CFAP299: variants seen among roughly 807,000 people sequenced by gnomAD.
CFAP299 encodes cilia- and flagella-associated protein 299.
Under a neutral mutation model 27.0 loss-of-function variants are expected in CFAP299, and 21 were observed. That is an observed-to-expected ratio of 0.78 (90% CI 0.55 to 1.12). CFAP299 has a LOEUF of 1.12. CFAP299 is among the 50% of genes most tolerant of loss of function. The probability of loss-of-function intolerance (pLI) is 0.00; values close to 1 mark genes in which losing one functional copy is unlikely to be tolerated. For missense variants in CFAP299, 310 were observed against 276.6 expected (o/e 1.12, Z -0.86); for synonymous variants, 104 against 98.1 (o/e 1.06, Z -0.36).
At chr4:80,848,573 A>G (rs1217228092) in intron 3 of CFAP299, among the ~76,000 whole-genome samples, 3 of 152,032 alleles carry the variant, frequency 2.0e-5, no homozygotes, top group African/African-American at 7.2e-5. Context: ...GTTTGATACT[A>G]GCTTGGGTAA....
intron 3 of CFAP299, among the ~76,000 whole-genome samples, chr4:80,591,104 A>ATTTTTTTTTTTTTTTTTTTT (rs1339201630): frequency 5.2e-5 from 6 of 116,496 alleles, no homozygotes; most frequent in Non-Finnish European, 1.0e-4. Flanking sequence ...TACTTTAGGA[A>ATTTTTTTTTTTTTTTTTTTT]ATTTTTTTTT....
chr4:80,622,021 T>A (rs941102519), intron 3 of CFAP299, among the ~76,000 whole-genome samples: 2 of 152,086 alleles, frequency 1.3e-5, no homozygotes, highest in African/African-American at 2.4e-5. Context: ...GGCACTTAAG[T>A]GTCAGTTAAA....
intron 2 of CFAP299, chr4:80,387,344 TAC>T: frequency 6.7e-7 from 1 of 1,498,284 alleles, no homozygotes. Flanking sequence ...CACACATTTG[TAC>T]ACCTGCTCGT....
intron 2 of CFAP299, among the ~76,000 whole-genome samples, chr4:80,503,526 C>T (rs1170955208): frequency 3.3e-5 from 5 of 152,048 alleles, no homozygotes; most frequent in South Asian, 4.1e-4. Flanking sequence ...ATAATGGCTG[C>T]GGGCACAGAT....
intron 3 of CFAP299, among the ~76,000 whole-genome samples, chr4:80,826,338 A>G (rs966143492): frequency 2.0e-5 from 3 of 151,768 alleles, no homozygotes; most frequent in African/African-American, 7.2e-5. Context: ...ATAGACAACA[A>G]TTATCAAAAG....
chr4:80,922,712 C>A (rs1303966824), intron 4 of CFAP299, among the ~76,000 whole-genome samples: 1 of 151,534 alleles, frequency 6.6e-6, no homozygotes, highest in Non-Finnish European at 1.5e-5. Context: ...GTAATGCATA[C>A]TCATTGTGGA....
At chr4:80,943,270 G>GC (rs984970313) in intron 4 of CFAP299, among the ~76,000 whole-genome samples, 9 of 151,746 alleles carry the variant, frequency 5.9e-5, no homozygotes, top group Non-Finnish European at 8.8e-5. Context: ...TCACTGATAC[G>GC]CCCCCCTCCC....
At chr4:80,857,578 C>T (rs1404665888) in intron 3 of CFAP299, among the ~76,000 whole-genome samples, 2 of 152,128 alleles carry the variant, frequency 1.3e-5, no homozygotes, top group Non-Finnish European at 2.9e-5. Context: ...GAGATACATC[C>T]CATCAATACC....
chr4:80,492,288 A>G (rs1356042577), intron 2 of CFAP299, among the ~76,000 whole-genome samples: 2 of 152,176 alleles, frequency 1.3e-5, no homozygotes, highest in Non-Finnish European at 2.9e-5. Flanking sequence ...CCTGAGGGCT[A>G]TGTCATGGGC....
chr4:80,390,687 A>T (rs1365740149), intron 2 of CFAP299, among the ~76,000 whole-genome samples: 2 of 145,326 alleles, frequency 1.4e-5, no homozygotes, highest in Non-Finnish European at 3.0e-5. Context: ...GTATACACAC[A>T]TATATGTGTA....
At chr4:80,623,885 C>T (rs1337089747) in intron 3 of CFAP299, among the ~76,000 whole-genome samples, 1 of 152,102 alleles carries the variant, frequency 6.6e-6, no homozygotes, top group Non-Finnish European at 1.5e-5. Context: ...GACTTGATTT[C>T]TGGTAGCTCT....
At chr4:80,350,800 G>A (rs1203999148) in intron 1 of CFAP299, among the ~76,000 whole-genome samples, 2 of 152,054 alleles carry the variant, frequency 1.3e-5, no homozygotes, top group African/African-American at 2.4e-5. Flanking sequence ...AGGGAAAGGG[G>A]AGGGAGAGCA....
chr4:80,688,431 C>G (rs1450889660), intron 3 of CFAP299, among the ~76,000 whole-genome samples: 3 of 152,060 alleles, frequency 2.0e-5, no homozygotes, highest in Admixed American at 6.5e-5. Context: ...CAGGGGCACA[C>G]TGACACCTCA....
At chr4:80,939,038 T>C (rs991112809) in intron 4 of CFAP299, among the ~76,000 whole-genome samples, 1 of 152,168 alleles carries the variant, frequency 6.6e-6, no homozygotes, top group African/African-American at 2.4e-5. Flanking sequence ...GTTTTATTAT[T>C]TGGGGAGAGG....
intron 3 of CFAP299, among the ~76,000 whole-genome samples, chr4:80,719,752 T>C (rs1443018297): frequency 3.9e-5 from 6 of 152,116 alleles, no homozygotes; most frequent in Non-Finnish European, 5.9e-5. Context: ...GGACTGTTTG[T>C]GAGATGTCTT....
intron 2 of CFAP299, among the ~76,000 whole-genome samples, chr4:80,465,127 T>G (rs1729640342): frequency 6.6e-6 from 1 of 151,918 alleles, no homozygotes; most frequent in Admixed American, 6.6e-5. Flanking sequence ...ATCCCAGTTG[T>G]TTTTTTTAAA....
intron 2 of CFAP299, among the ~76,000 whole-genome samples, chr4:80,422,039 C>T (rs1050721662): frequency 1.3e-5 from 2 of 151,950 alleles, no homozygotes; most frequent in Admixed American, 6.6e-5. Context: ...GGATAAAATA[C>T]GTGAATATGA....
intron 1 of CFAP299, among the ~76,000 whole-genome samples, chr4:80,338,823 A>C (rs1722290404): frequency 6.6e-6 from 1 of 152,232 alleles, no homozygotes; most frequent in East Asian, 1.9e-4. Flanking sequence ...ACTATCTTCC[A>C]GGTACTCTTG....
chr4:80,509,750 T>C (rs572735487), intron 2 of CFAP299, among the ~76,000 whole-genome samples: 17 of 152,274 alleles, frequency 1.1e-4, no homozygotes, highest in African/African-American at 2.6e-4. Flanking sequence ...TTTTTGAAGA[T>C]TGAACATTTT....
Sources: allele counts gnomAD v4.1 joint callset (sites outside exome capture counted in the v4.1 genomes callset), GRCh38; gene constraint gnomAD v4.1.1; transcripts MANE v1.5; gene names NCBI Gene and HGNC (gene_info 2026-07-23, HGNC 2026-07-21).